FZR1: variants seen among roughly 807,000 people sequenced by gnomAD.
FZR1 encodes the protein fizzy-related protein homolog.
Under a neutral mutation model 63.6 loss-of-function variants are expected in FZR1, and 11 were observed. The observed-to-expected ratio is 0.17, with a 90% confidence interval of 0.11 to 0.29. The LOEUF is 0.29. Ranked by LOEUF, FZR1 falls within the 10% of genes least tolerant of loss-of-function variation. The probability of loss-of-function intolerance (pLI) is 1.00; values close to 1 mark genes in which losing one functional copy is unlikely to be tolerated. For missense variants in FZR1, 440 were observed against 687.5 expected (o/e 0.64, Z 4.03); for synonymous variants, 328 against 297.9 (o/e 1.10, Z -1.04).
Position 3,525,864 on chromosome 19 carries a change from T to A in FZR1, c.70-4T>A. 2 of 1,610,424 alleles carry A rather than the reference T, an allele frequency of 1.2e-6. No homozygotes were observed. Among genetic ancestry groups the A allele is most frequent in the Non-Finnish European group, 1.7e-6 (2 of 1,179,732 alleles). On this transcript the variant is annotated splice_polypyrimidine_tract_variant and splice_region_variant and intron_variant, in intron 2 of 13. Coordinates refer to ENST00000441788, the MANE Select transcript of FZR1 (RefSeq NM_016263.4). The surrounding 1 kb of genome is among the most constrained non-coding windows in gnomAD (Gnocchi z 4.2). ...AGAGCAAGCCCTCTGCTGATGCCCT[T>A]CAGGTCACAGAGATGCGGCGGACCC...
In FZR1 at chr19:3,526,660, C is replaced by T. The variant is rs115295247; in HGVS notation, c.387+274C>T. Among the ~76,000 whole-genome samples the T allele has an allele frequency of 0.036, 5,421 of 151,588 alleles. 308 individuals carry two copies. The highest frequency in any genetic ancestry group is 0.12 in the South Asian group (578 of 4,830). On this transcript the variant is annotated intron_variant, in intron 5 of 13. Coordinates refer to ENST00000441788, the MANE Select transcript of FZR1 (RefSeq NM_016263.4). This position sits in a 1 kb window ranked among gnomAD's most constrained non-coding sequence, Gnocchi z 5.4. ...CCCACACCAATGCTACCTGGGGTCC[C>T]GAACACCCAAGCCGGTGGGGGTCCT... is the stretch of plus-strand genomic sequence containing the variant.
rs979790541 is a variant in FZR1, at chr19:3,516,700, C to CAGG, written c.-34-6253_-34-6251dup. Among the ~76,000 whole-genome samples, 12 of 152,234 alleles carry CAGG rather than the reference C, an allele frequency of 7.9e-5. No individual in the cohort carries two copies. The highest frequency in any genetic ancestry group is 7.9e-4 in the Admixed American group (12 of 15,286). ...CCCCTGCCCTCACTGCAGGGACAGA[C>CAGG]AGGAGCTGGGTCTCAGGCTGCTGGG... On this transcript the variant is annotated intron_variant, in intron 1 of 13. Transcript: ENST00000441788. The surrounding 1 kb of genome is among the most constrained non-coding windows in gnomAD (Gnocchi z 6.0).
intron 8 of FZR1, among the ~76,000 whole-genome samples, chr19:3,531,258 A>G (rs922759388): frequency 6.6e-6 from 1 of 152,210 alleles, no homozygotes; most frequent in East Asian, 1.9e-4. Flanking sequence ...CCTCACCCAG[A>G]GCTGCCCAGG....
intron 1 of FZR1, among the ~76,000 whole-genome samples, chr19:3,518,173 C>A (rs2083072924): frequency 6.6e-6 from 1 of 152,088 alleles, no homozygotes. Flanking sequence ...TGCCACCATG[C>A]CCAGCTAATT....
intron 1 of FZR1, among the ~76,000 whole-genome samples, chr19:3,508,663 C>T (rs1359818157): frequency 1.3e-5 from 2 of 152,050 alleles, no homozygotes; most frequent in Non-Finnish European, 2.9e-5. Flanking sequence ...TGTGTAGGGC[C>T]GCTCCCGGGG....
At chr19:3,531,874 C>G in intron 9 of FZR1, 37 bp from the exon 10 acceptor site, 1 of 1,567,092 alleles carries the variant, frequency 6.4e-7, no homozygotes, top group South Asian at 1.2e-5. Context: ...TCCGCGAGGG[C>G]AGGAGAGGCT....
chr19:3,520,430 C>G (rs771620494), intron 1 of FZR1, among the ~76,000 whole-genome samples: 2 of 152,214 alleles, frequency 1.3e-5, no homozygotes, highest in Non-Finnish European at 2.9e-5. Context: ...GTAGAGAACC[C>G]TGGGCCTTCT....
intron 1 of FZR1, among the ~76,000 whole-genome samples, chr19:3,517,077 T>C (rs1480222021): frequency 6.6e-6 from 1 of 151,982 alleles, no homozygotes; most frequent in Non-Finnish European, 1.5e-5. Flanking sequence ...CAGTGACACT[T>C]GTTTACATTC....
intron 1 of FZR1, among the ~76,000 whole-genome samples, chr19:3,510,155 G>A (rs546632022): frequency 8.6e-5 from 13 of 151,900 alleles, no homozygotes; most frequent in African/African-American, 3.1e-4. Flanking sequence ...TTTCCTTTTT[G>A]AGATGGAGTC....
At chr19:3,522,867 G>A (rs1273238524) in intron 1 of FZR1, 89 bp from the exon 2 acceptor site, 4 of 742,958 alleles carry the variant, frequency 5.4e-6, no homozygotes, top group Middle Eastern at 5.1e-4. Flanking sequence ...AGTCACTCTA[G>A]CTCCCAGGGC....
At chr19:3,532,836 C>T (rs1299652666) in intron 11 of FZR1, among the ~76,000 whole-genome samples, 186 bp downstream of exon 11, 1 of 152,164 alleles carries the variant, frequency 6.6e-6, no homozygotes, top group Admixed American at 6.5e-5. Flanking sequence ...TCATCAGGGC[C>T]TCACCTGGGG....
In FZR1 at chr19:3,533,183, G is replaced by A; in HGVS notation, c.1243-111G>A. On this transcript the variant is annotated intron_variant, in intron 11 of 13. Transcript: ENST00000441788. This position sits in a 1 kb window ranked among gnomAD's most constrained non-coding sequence, Gnocchi z 4.9. ...AGCATCCCCTGCTCCTCCTGGGCTG[G>A]CTGGCGGCTCTGAGCTCTCACATGG... The A allele has an allele frequency of 1.4e-6, 1 of 717,100 alleles. No homozygotes were observed. Among genetic ancestry groups the A allele is most frequent in the South Asian group, 1.6e-5 (1 of 64,206 alleles). 44.4% of individuals were successfully genotyped at this position (717,100 alleles called of 1,614,324 possible). A position where few individuals can be genotyped will look rare whatever the true frequency, so the allele number is the denominator to read the frequency against.
chr19:3,531,281 A>G (rs1324375300), intron 8 of FZR1, among the ~76,000 whole-genome samples: 1 of 152,002 alleles, frequency 6.6e-6, no homozygotes, highest in African/African-American at 2.4e-5. Context: ...TGCCCCTAGC[A>G]CTCGTAACCG....
intron 13 of FZR1, 29 bp downstream of exon 13, chr19:3,534,542 G>T: frequency 7.0e-7 from 1 of 1,423,960 alleles, no homozygotes; most frequent in Non-Finnish European, 9.8e-7. Flanking sequence ...AGCGCCACTC[G>T]CCCCCGCCCC....
Position 3,534,487 on chromosome 19 carries a change from G to A in FZR1, c.1414G>A (p.Val472Ile), listed in dbSNP as rs772182014. 5.2e-5 allele frequency: 83 copies of A among 1,609,602 alleles called. No homozygotes were observed. Among genetic ancestry groups the A allele is most frequent in the East Asian group, 6.7e-5 (3 of 44,806 alleles). ...AGDETLRFWN[V>I]FSKTRSTKES... Reference sequence around the variant, plus strand: ...AGACGAGACCCTGAGGTTCTGGAACGTCTTTAGCAAAACCCGTTCGACAAA... The same window carrying A: ...AGACGAGACCCTGAGGTTCTGGAACATCTTTAGCAAAACCCGTTCGACAAA... Residue 472 changes from valine to isoleucine, a missense_variant, in exon 13 of 14, where the codon GTC becomes ATC. Coordinates refer to ENST00000441788, the MANE Select transcript of FZR1 (RefSeq NM_016263.4).
chr19:3,526,163 C>T lies in FZR1; in HGVS notation c.239C>T (p.Ala80Val). Residue 80 changes from alanine (A) to valine (V), a missense_variant, in exon 4 of 14, where the codon GCC becomes GTC. By Grantham distance (64) the Ala-to-Val change is moderately conservative (BLOSUM62 0). Transcript: ENST00000441788. The surrounding 1 kb of genome is among the most constrained non-coding windows in gnomAD (Gnocchi z 5.4). ...AGTCAGAACCGGAAAGCCAAGGACGCCACCTCAGACAACGGCAAAGGTTAG... is the reference window on the plus strand; with the variant it reads ...AGTCAGAACCGGAAAGCCAAGGACGTCACCTCAGACAACGGCAAAGGTTAG... ...SPSQNRKAKD[A>V]TSDNGKDGLA... 10 of 1,612,922 alleles carry T rather than the reference C, an allele frequency of 6.2e-6. No homozygotes were observed. Among genetic ancestry groups the T allele is most frequent in the Non-Finnish European group, 8.5e-6 (10 of 1,179,986 alleles).
intron 12 of FZR1, chr19:3,534,197 G>A: frequency 2.1e-6 from 1 of 480,814 alleles, no homozygotes; most frequent in Non-Finnish European, 3.7e-6. Flanking sequence ...ACTCCAGCCT[G>A]GGTGACAGAG....
chr19:3,507,822 G>T (rs1163950220), intron 1 of FZR1, among the ~76,000 whole-genome samples: 1 of 152,268 alleles, frequency 6.6e-6, no homozygotes, highest in East Asian at 1.9e-4. Flanking sequence ...GCCTCCTCCT[G>T]TGTCAGGGGC....
chr19:3,533,248 G>A lies in FZR1; in HGVS notation c.1243-46G>A, dbSNP rs760601744. On this transcript the variant is annotated intron_variant, in intron 11 of 13. Coordinates refer to ENST00000441788, the MANE Select transcript of FZR1 (RefSeq NM_016263.4). This position sits in a 1 kb window ranked among gnomAD's most constrained non-coding sequence, Gnocchi z 4.9. ...ATGTGAGGCAGCAGGCATAGCACCC[G>A]GCCTCGTTGCCCCTCACCGACCGCA... The A allele has an allele frequency of 8.5e-6, 10 of 1,180,202 alleles. No homozygotes were observed. The highest frequency in any genetic ancestry group is 3.4e-5 in the Admixed American group (2 of 59,218). 73.1% of individuals were successfully genotyped at this position (1,180,202 alleles called of 1,614,324 possible).
Sources: allele counts gnomAD v4.1 joint callset (sites outside exome capture counted in the v4.1 genomes callset), GRCh38; gene constraint gnomAD v4.1.1; non-coding constraint Gnocchi (gnomAD v3.1); transcripts MANE v1.5; gene names NCBI Gene and HGNC (gene_info 2026-07-23, HGNC 2026-07-21).